Variants in WDR7 observed in about 807,000 individuals in gnomAD.
WDR7 encodes the protein WD repeat-containing protein 7.
A neutral mutation model predicts 169.4 loss-of-function variants in WDR7; 46 were observed. That is an observed-to-expected ratio of 0.27 (90% CI 0.21 to 0.35). The LOEUF (loss-of-function observed/expected upper bound fraction) is 0.35. WDR7 is among the 10% of genes least tolerant of loss of function. The pLI is 1.00. For synonymous variants in WDR7, 612 were observed against 666.8 expected (o/e 0.92, Z 1.27); for missense variants, 1,534 against 1,859.3 (o/e 0.83, Z 3.22).
At chr18:56,902,914 G>A (rs2046422304) in intron 21 of WDR7, among the ~76,000 whole-genome samples, 1 of 152,150 alleles carries the variant, frequency 6.6e-6, no homozygotes, top group African/African-American at 2.4e-5. Flanking sequence ...TCTCAAAAAT[G>A]CGTTTTATGT....
chr18:56,755,690 T>TA (rs1336513824), intron 14 of WDR7, among the ~76,000 whole-genome samples: 4 of 152,258 alleles, frequency 2.6e-5, no homozygotes, highest in Non-Finnish European at 5.9e-5. Flanking sequence ...TGATGGAAAT[T>TA]AGAGAGCCAT....
chr18:56,918,567 C>T (rs959772257), intron 21 of WDR7, among the ~76,000 whole-genome samples: 1 of 151,824 alleles, frequency 6.6e-6, no homozygotes, highest in Non-Finnish European at 1.5e-5. Flanking sequence ...AATGTATTCA[C>T]CAAAAAAAGT....
intron 21 of WDR7, among the ~76,000 whole-genome samples, chr18:56,923,519 G>A (rs2046757987): frequency 6.6e-6 from 1 of 152,182 alleles, no homozygotes. Context: ...GTTACTGAGG[G>A]GGAGTATTTT....
intron 26 of WDR7, among the ~76,000 whole-genome samples, chr18:56,984,127 C>G (rs2047682135): frequency 6.6e-6 from 1 of 152,020 alleles, no homozygotes; most frequent in South Asian, 2.1e-4. Context: ...TTTTCACTGT[C>G]CTATTTTCTT....
intron 13 of WDR7, among the ~76,000 whole-genome samples, chr18:56,730,971 G>A (rs2026572347): frequency 6.6e-6 from 1 of 151,874 alleles, no homozygotes; most frequent in Non-Finnish European, 1.5e-5. Context: ...TATTCAATGA[G>A]GAAAAAAACA....
chr18:56,786,175 T>C (rs2044396486), intron 19 of WDR7, among the ~76,000 whole-genome samples: 1 of 152,018 alleles, frequency 6.6e-6, no homozygotes, highest in Non-Finnish European at 1.5e-5. Context: ...TGGAGATCAC[T>C]GGGGAAGAAA....
intron 20 of WDR7, among the ~76,000 whole-genome samples, chr18:56,850,491 C>T (rs2045625160): frequency 6.6e-6 from 1 of 151,994 alleles, no homozygotes; most frequent in African/African-American, 2.4e-5. Flanking sequence ...AACTGACCTT[C>T]ATTATTTATT....
At chr18:56,920,127 A>T (rs1398417343) in intron 21 of WDR7, among the ~76,000 whole-genome samples, 2 of 152,026 alleles carry the variant, frequency 1.3e-5, no homozygotes, top group Non-Finnish European at 2.9e-5. Flanking sequence ...TACTACATGT[A>T]ACCCCTTGAT....
chr18:56,813,710 A>G (rs1264948138), intron 19 of WDR7, among the ~76,000 whole-genome samples: 4 of 152,000 alleles, frequency 2.6e-5, no homozygotes, highest in Non-Finnish European at 5.9e-5. Context: ...TATCTTTATG[A>G]GAGATACTGG....
At chr18:56,739,876 A>ATTTTTTTT (rs58692081) in intron 14 of WDR7, among the ~76,000 whole-genome samples, 2 of 138,084 alleles carry the variant, frequency 1.4e-5, no homozygotes, top group Non-Finnish European at 1.6e-5. Flanking sequence ...CCTAGATGTG[A>ATTTTTTTT]TTTTTTTTTT....
intron 26 of WDR7, among the ~76,000 whole-genome samples, chr18:57,008,128 C>T (rs1038476376): frequency 4.6e-5 from 7 of 152,096 alleles, no homozygotes; most frequent in South Asian, 2.1e-4. Context: ...CCCTATCCGC[C>T]GCGCCCTCCC....
At chr18:56,806,591 C>A (rs1474310826) in intron 19 of WDR7, among the ~76,000 whole-genome samples, 1 of 152,116 alleles carries the variant, frequency 6.6e-6, no homozygotes, top group Non-Finnish European at 1.5e-5. Context: ...TCATTGCTAC[C>A]TTCATTCACC....
downstream of WDR7, chr18:57,031,010 A>G (rs1031784472): frequency 1.3e-5 from 2 of 152,240 alleles, no homozygotes. Flanking sequence ...TTGTAGCAGC[A>G]GAACGATGAA....
At chr18:56,918,800 A>G (rs147864952) in intron 21 of WDR7, among the ~76,000 whole-genome samples, 137 of 152,332 alleles carry the variant, frequency 9.0e-4, no homozygotes, top group African/African-American at 3.1e-3. Context: ...CACATATGGT[A>G]TAAAGTAATT....
At chr18:56,722,187 A>G (rs558740293) in intron 13 of WDR7, among the ~76,000 whole-genome samples, 98 of 152,232 alleles carry the variant, frequency 6.4e-4, no homozygotes, top group Non-Finnish European at 1.3e-3. Flanking sequence ...TCAGGGGCTC[A>G]GATTGTCATA....
At chr18:56,745,258 C>T (rs920867611) in intron 14 of WDR7, among the ~76,000 whole-genome samples, 6 of 152,178 alleles carry the variant, frequency 3.9e-5, no homozygotes, top group Non-Finnish European at 7.3e-5. Context: ...CCCACACTTA[C>T]GATGCACAGA....
intron 14 of WDR7, among the ~76,000 whole-genome samples, chr18:56,741,087 G>A (rs1282550960): frequency 6.6e-6 from 1 of 152,076 alleles, no homozygotes; most frequent in Non-Finnish European, 1.5e-5. Context: ...CTACTACCTA[G>A]TGGTGCAAAC....
intron 20 of WDR7, among the ~76,000 whole-genome samples, chr18:56,867,831 T>G (rs1357199546): frequency 6.6e-6 from 1 of 152,194 alleles, no homozygotes; most frequent in African/African-American, 2.4e-5. Flanking sequence ...GAAAGCTGTT[T>G]CAGTCTGATA....
At chr18:56,942,364 C>G (rs147222963) in intron 25 of WDR7, among the ~76,000 whole-genome samples, 6 of 152,180 alleles carry the variant, frequency 3.9e-5, no homozygotes, top group Non-Finnish European at 7.4e-5. Flanking sequence ...CAGTTTGTGC[C>G]AGTTGGGGAT....
Sources: allele counts gnomAD v4.1 joint callset (sites outside exome capture counted in the v4.1 genomes callset), GRCh38; gene constraint gnomAD v4.1.1; transcripts MANE v1.5; gene names NCBI Gene and HGNC (gene_info 2026-07-23, HGNC 2026-07-21).